The following HS6ST3 variants were observed in gnomAD, a reference collection of about 807,000 sequenced individuals.
HS6ST3 encodes the protein heparan sulfate 6-O-sulfotransferase 3, also known as heparan-sulfate 6-O-sulfotransferase 3.
A neutral mutation model predicts 36.7 loss-of-function variants in HS6ST3; 12 were observed. The observed-to-expected ratio is 0.33, with a 90% CI of 0.21 to 0.53. HS6ST3 has a LOEUF of 0.53. Ranked by LOEUF, HS6ST3 falls within the 20% of genes least tolerant of loss-of-function variation. HS6ST3 has a pLI of 0.95. For missense variants in HS6ST3, 584 were observed against 640.9 expected (o/e 0.91, Z 0.96); for synonymous variants, 240 against 257.5 (o/e 0.93, Z 0.65).
intron 1 of HS6ST3, among the ~76,000 whole-genome samples, chr13:96,750,488 C>T (rs367805206): frequency 2.6e-5 from 4 of 152,220 alleles, no homozygotes; most frequent in East Asian, 3.9e-4. Flanking sequence ...CATATACCTC[C>T]TGATAACTCT....
chr13:96,105,607 G>A (rs547619769), intron 1 of HS6ST3, among the ~76,000 whole-genome samples: 30 of 152,172 alleles, frequency 2.0e-4, no homozygotes, highest in African/African-American at 6.0e-4. Context: ...CTGAAATCGC[G>A]CCACTGCACT....
intron 1 of HS6ST3, among the ~76,000 whole-genome samples, chr13:96,681,736 T>TC (rs780563024): frequency 1.2e-4 from 18 of 152,092 alleles, no homozygotes; most frequent in Non-Finnish European, 2.4e-4. Flanking sequence ...TACTCCCACC[T>TC]CCCCCTTTTC....
chr13:96,549,804 C>T (rs1177541417), intron 1 of HS6ST3, among the ~76,000 whole-genome samples: 1 of 152,030 alleles, frequency 6.6e-6, no homozygotes, highest in Non-Finnish European at 1.5e-5. Flanking sequence ...GTTTATTCTG[C>T]CTGAAACGCC....
chr13:96,121,947 G>A (rs1031920285), intron 1 of HS6ST3, among the ~76,000 whole-genome samples: 4 of 152,014 alleles, frequency 2.6e-5, no homozygotes, highest in African/African-American at 4.8e-5. Context: ...GAGGAGTAAC[G>A]TTTGTGAAAC....
At chr13:96,646,088 G>T (rs1243963819) in intron 1 of HS6ST3, among the ~76,000 whole-genome samples, 1 of 151,858 alleles carries the variant, frequency 6.6e-6, no homozygotes, top group Non-Finnish European at 1.5e-5. Flanking sequence ...AGAAACAGAC[G>T]GACCAGTAAT....
intron 1 of HS6ST3, among the ~76,000 whole-genome samples, chr13:96,665,712 T>C (rs983024633): frequency 2.6e-5 from 4 of 152,258 alleles, no homozygotes; most frequent in African/African-American, 9.6e-5. Flanking sequence ...CTTTGTGGCA[T>C]GGTGTGATCA....
chr13:96,306,188 C>G (rs1375978417), intron 1 of HS6ST3, among the ~76,000 whole-genome samples: 2 of 150,814 alleles, frequency 1.3e-5, no homozygotes, highest in African/African-American at 4.9e-5. Context: ...ACTGCAAGCT[C>G]TGCCTCCTGG....
chr13:96,341,126 A>G (rs1039830824), intron 1 of HS6ST3, among the ~76,000 whole-genome samples: 1 of 152,206 alleles, frequency 6.6e-6, no homozygotes. Flanking sequence ...AGAAGAGAAA[A>G]TGCCATGTAT....
intron 1 of HS6ST3, among the ~76,000 whole-genome samples, chr13:96,791,901 A>G (rs978623607): frequency 2.6e-5 from 4 of 152,014 alleles, no homozygotes; most frequent in Admixed American, 2.6e-4. Flanking sequence ...TATGGTTATT[A>G]TTTACTGGTG....
chr13:96,233,025 A>G (rs2054515920), intron 1 of HS6ST3, among the ~76,000 whole-genome samples: 1 of 152,220 alleles, frequency 6.6e-6, no homozygotes, highest in African/African-American at 2.4e-5. Flanking sequence ...TAAACATGTT[A>G]AGCATTCTTT....
chr13:96,438,938 GGTACCT>G (rs1259337913), intron 1 of HS6ST3, among the ~76,000 whole-genome samples: 2 of 152,010 alleles, frequency 1.3e-5, no homozygotes, highest in Non-Finnish European at 2.9e-5. Context: ...CATGGTGGCT[GGTACCT>G]GTATTCCAAC....
chr13:96,389,720 A>T (rs1032445200), intron 1 of HS6ST3, among the ~76,000 whole-genome samples: 3 of 152,206 alleles, frequency 2.0e-5, no homozygotes, highest in Non-Finnish European at 4.4e-5. Flanking sequence ...AATTAAAGGG[A>T]TCTTAAAAAC....
At chr13:96,117,829 A>AT (rs2053900828) in intron 1 of HS6ST3, among the ~76,000 whole-genome samples, 1 of 151,754 alleles carries the variant, frequency 6.6e-6, no homozygotes, top group South Asian at 2.1e-4. Flanking sequence ...CTGCCCCCAA[A>AT]TTTATGGTTG....
At chr13:96,434,643 AG>A (rs2055632497) in intron 1 of HS6ST3, among the ~76,000 whole-genome samples, 1 of 151,392 alleles carries the variant, frequency 6.6e-6, no homozygotes, top group South Asian at 2.1e-4. Flanking sequence ...TGACCTCACA[AG>A]CTCTGCCAAG....
At chr13:96,133,159 C>T (rs686672) in intron 1 of HS6ST3, among the ~76,000 whole-genome samples, 124,403 of 151,900 alleles carry the variant, frequency 0.82, 51,302 homozygotes, top group East Asian at 0.91. Context: ...GATGGAGTTT[C>T]GCTTTTTTGC....
At chr13:96,714,489 A>C (rs539930733) in intron 1 of HS6ST3, among the ~76,000 whole-genome samples, 1 of 152,294 alleles carries the variant, frequency 6.6e-6, no homozygotes, top group East Asian at 1.9e-4. Flanking sequence ...AAGTTTTAGG[A>C]TGCCAAGAGT....
chr13:96,618,338 C>A (rs1000588380), intron 1 of HS6ST3, among the ~76,000 whole-genome samples: 5 of 152,162 alleles, frequency 3.3e-5, no homozygotes, highest in South Asian at 2.1e-4. Context: ...TGGGCTCAAG[C>A]AATCCTCCAG....
intron 1 of HS6ST3, among the ~76,000 whole-genome samples, chr13:96,136,214 T>G (rs1030715894): frequency 2.0e-5 from 3 of 152,230 alleles, no homozygotes; most frequent in South Asian, 4.1e-4. Flanking sequence ...AATTGGATTT[T>G]TAAAGAAAAT....
At chr13:96,579,047 A>T (rs1330383050) in intron 1 of HS6ST3, among the ~76,000 whole-genome samples, 2 of 152,122 alleles carry the variant, frequency 1.3e-5, no homozygotes, top group African/African-American at 4.8e-5. Flanking sequence ...AGATTCTTAA[A>T]TTTTTTGCTT....
Sources: allele counts gnomAD v4.1 joint callset (sites outside exome capture counted in the v4.1 genomes callset), GRCh38; gene constraint gnomAD v4.1.1; transcripts MANE v1.5; gene names NCBI Gene and HGNC (gene_info 2026-07-23, HGNC 2026-07-21).